Variants in MLLT3 observed in about 807,000 individuals in gnomAD.
MLLT3 encodes protein AF-9.
Under a neutral mutation model 53.2 loss-of-function variants are expected in MLLT3, and 4 were observed. That is an observed-to-expected ratio of 0.08 (90% confidence interval 0.04 to 0.17). MLLT3 has a LOEUF of 0.17. Among genes scored for constraint, MLLT3 ranks in the 10% least tolerant of loss-of-function variants. MLLT3 has a pLI of 1.00. For synonymous variants in MLLT3, 283 were observed against 230.6 expected (o/e 1.23, Z -2.06); for missense variants, 569 against 684.0 (o/e 0.83, Z 1.87).
intron 2 of MLLT3, among the ~76,000 whole-genome samples, chr9:20,466,700 T>C (rs1289961207): frequency 6.6e-6 from 1 of 152,218 alleles, no homozygotes; most frequent in Non-Finnish European, 1.5e-5. Flanking sequence ...TTGCATAGTA[T>C]CTCTCATGGT....
intron 2 of MLLT3, among the ~76,000 whole-genome samples, chr9:20,546,465 C>T (rs539731198): frequency 1.3e-5 from 2 of 151,784 alleles, no homozygotes; most frequent in Middle Eastern, 3.4e-3. Context: ...ATTGCTTAAG[C>T]CCAAGAGGTT....
intron 2 of MLLT3, among the ~76,000 whole-genome samples, chr9:20,501,786 A>AAAC (rs1825240260): frequency 4.8e-5 from 7 of 147,040 alleles, no homozygotes; most frequent in African/African-American, 1.8e-4. Context: ...AAAAAAAAAA[A>AAAC]CCGCACCCAA....
chr9:20,420,057 T>C (rs1293477144), intron 4 of MLLT3, among the ~76,000 whole-genome samples: 1 of 152,008 alleles, frequency 6.6e-6, no homozygotes, highest in African/African-American at 2.4e-5. Context: ...TCTTTTTTTA[T>C]GTTAAAGTGG....
chr9:20,372,257 C>T (rs1821625346), intron 5 of MLLT3, among the ~76,000 whole-genome samples: 1 of 152,096 alleles, frequency 6.6e-6, no homozygotes, highest in African/African-American at 2.4e-5. Flanking sequence ...TAAATTTAGT[C>T]GATAAAGCAG....
intron 2 of MLLT3, among the ~76,000 whole-genome samples, chr9:20,498,576 C>G (rs1411724): frequency 0.29 from 43,395 of 152,094 alleles, 7,190 homozygotes; most frequent in African/African-American, 0.45. Context: ...AGATGGCTTT[C>G]AATGCGGCCC....
At chr9:20,587,587 C>T (rs1820007619) in intron 2 of MLLT3, among the ~76,000 whole-genome samples, 1 of 152,202 alleles carries the variant, frequency 6.6e-6, no homozygotes, top group Non-Finnish European at 1.5e-5. Context: ...ATGTGGCTTT[C>T]AAATACAGAG....
At chr9:20,589,987 C>A (rs1820085921) in intron 2 of MLLT3, among the ~76,000 whole-genome samples, 1 of 152,018 alleles carries the variant, frequency 6.6e-6, no homozygotes, top group African/African-American at 2.4e-5. Context: ...GGGATTACAG[C>A]CCGACCTAAC....
At chr9:20,493,948 C>T (rs573428329) in intron 2 of MLLT3, among the ~76,000 whole-genome samples, 2 of 152,076 alleles carry the variant, frequency 1.3e-5, no homozygotes, top group South Asian at 2.1e-4. Flanking sequence ...AAGCACATAC[C>T]TCCTTCCTCA....
chr9:20,604,859 C>T (rs1400697475), intron 2 of MLLT3, among the ~76,000 whole-genome samples: 1 of 152,092 alleles, frequency 6.6e-6, no homozygotes, highest in Non-Finnish European at 1.5e-5. Context: ...TAATTTTTAA[C>T]AATGTTAAAC....
chr9:20,375,902 C>A (rs1821754055), intron 5 of MLLT3, among the ~76,000 whole-genome samples: 1 of 152,124 alleles, frequency 6.6e-6, no homozygotes, highest in Non-Finnish European at 1.5e-5. Context: ...GCCACCGCGC[C>A]CGGACTTCAG....
chr9:20,408,459 G>C (rs914094542), intron 5 of MLLT3, among the ~76,000 whole-genome samples: 4 of 152,028 alleles, frequency 2.6e-5, no homozygotes, highest in Admixed American at 6.5e-5. Flanking sequence ...GTTAACTTTT[G>C]TCTGGTAATT....
At chr9:20,472,208 A>C (rs1824412750) in intron 2 of MLLT3, among the ~76,000 whole-genome samples, 1 of 152,048 alleles carries the variant, frequency 6.6e-6, no homozygotes, top group Non-Finnish European at 1.5e-5. Flanking sequence ...ATTTGCCTTA[A>C]ATTTACTGAC....
chr9:20,616,918 T>C (rs1820846557), intron 2 of MLLT3, among the ~76,000 whole-genome samples: 1 of 152,156 alleles, frequency 6.6e-6, no homozygotes, highest in African/African-American at 2.4e-5. Flanking sequence ...GTATAAACAT[T>C]AAAAATCTTA....
chr9:20,442,149 A>G (rs574964736), intron 4 of MLLT3, among the ~76,000 whole-genome samples: 13 of 152,124 alleles, frequency 8.5e-5, no homozygotes, highest in Non-Finnish European at 1.8e-4. Context: ...GCTCACCATC[A>G]CTCATGAGAG....
Position 20,574,930 on chromosome 9 carries a change from T to C in MLLT3, c.193+45724A>G, listed in dbSNP as rs192118822. 2.0e-5 allele frequency among the ~76,000 whole-genome samples: 3 copies of C among 152,342 alleles called. No individual in the cohort carries two copies. In the East Asian group the frequency reaches 5.8e-4, roughly 29 times the overall value. On this transcript the variant is annotated intron_variant, in intron 2 of 10. Transcript: ENST00000380338. The stretch of plus-strand genomic sequence containing the variant: ...ACCACGTTATATGTAATGTTCTAAA[T>C]CCTTTGTTGTCATTTCAACAATGTT...
intron 4 of MLLT3, among the ~76,000 whole-genome samples, chr9:20,443,407 C>T (rs1287998607): frequency 2.0e-5 from 3 of 152,098 alleles, no homozygotes; most frequent in Admixed American, 6.6e-5. Context: ...GCTAAAAATT[C>T]AGAATTAAGA....
At chr9:20,487,725 T>C (rs1351885226) in intron 2 of MLLT3, among the ~76,000 whole-genome samples, 1 of 152,174 alleles carries the variant, frequency 6.6e-6, no homozygotes, top group Non-Finnish European at 1.5e-5. Flanking sequence ...ATGTGAGACA[T>C]ATTTATGTCA....
At chr9:20,364,806 A>C (rs1821409272) in intron 6 of MLLT3, among the ~76,000 whole-genome samples, 1 of 152,228 alleles carries the variant, frequency 6.6e-6, no homozygotes, top group Non-Finnish European at 1.5e-5. Flanking sequence ...TACTATGCTA[A>C]AACACAAATT....
At chr9:20,612,820 A>C (rs762262316) in intron 2 of MLLT3, among the ~76,000 whole-genome samples, 2 of 152,188 alleles carry the variant, frequency 1.3e-5, no homozygotes, top group Non-Finnish European at 2.9e-5. Flanking sequence ...TAGAGGAAAA[A>C]TGGTACTCAT....
Sources: gnomAD v4.1 joint callset for allele counts (sites outside exome capture counted in the v4.1 genomes callset) on GRCh38, gnomAD v4.1.1 for gene constraint, MANE v1.5 for transcripts, NCBI Gene and HGNC (gene_info 2026-07-23, HGNC 2026-07-21) for gene names.